The following ARHGEF17 variants were observed in gnomAD, a reference collection of about 807,000 sequenced individuals.
ARHGEF17 encodes the protein Rho guanine nucleotide exchange factor 17.
ARHGEF17 carries 80 observed loss-of-function variants against 174.0 expected under a neutral mutation model. That is an observed-to-expected ratio of 0.46 (90% CI 0.38 to 0.55). The LOEUF is 0.55. Ranked by LOEUF, ARHGEF17 falls within the 20% of genes least tolerant of loss-of-function variation. The pLI is 0.00. For missense variants in ARHGEF17, 2,886 were observed against 2,839.7 expected, an observed-to-expected ratio of 1.02 and a Z score of -0.37; for synonymous variants, 1,311 against 1,189.1, an observed-to-expected ratio of 1.10 and a Z score of -2.11.
chr11:73,330,650 A>C (rs1865190034), intron 1 of ARHGEF17, among the ~76,000 whole-genome samples: 1 of 152,200 alleles, frequency 6.6e-6, no homozygotes, highest in Admixed American at 6.5e-5. Context: ...GGAAGGTGGC[A>C]TAACATTCCC....
intron 1 of ARHGEF17, among the ~76,000 whole-genome samples, chr11:73,342,109 A>G (rs546846983): frequency 7.2e-4 from 108 of 150,544 alleles, no homozygotes; most frequent in Non-Finnish European, 1.3e-3. Context: ...ACGGGAGCAC[A>G]GTCTAGGGGT....
At chr11:73,324,326 C>T (rs1436796196) in intron 1 of ARHGEF17, among the ~76,000 whole-genome samples, 2 of 152,166 alleles carry the variant, frequency 1.3e-5, no homozygotes, top group Non-Finnish European at 2.9e-5. Flanking sequence ...GAGGTGGAGC[C>T]TGGGTACACG....
intron 1 of ARHGEF17, among the ~76,000 whole-genome samples, chr11:73,340,367 G>T (rs1289668229): frequency 6.6e-6 from 1 of 152,164 alleles, no homozygotes; most frequent in Non-Finnish European, 1.5e-5. Flanking sequence ...GCACCCATAT[G>T]CCTGTGGATC....
At chr11:73,366,090 C>A in intron 20 of ARHGEF17, 143 bp downstream of exon 20, 2 of 1,111,666 alleles carry the variant, frequency 1.8e-6, no homozygotes, top group Non-Finnish European at 2.5e-6. Flanking sequence ...AAATACACCA[C>A]GGAAGTGTCC....
At chr11:73,330,114 T>C (rs934655573) in intron 1 of ARHGEF17, among the ~76,000 whole-genome samples, 2 of 152,256 alleles carry the variant, frequency 1.3e-5, no homozygotes, top group South Asian at 2.1e-4. Flanking sequence ...TGTTGGGTTG[T>C]TGGCCTTTTG....
At chr11:73,332,600 C>T (rs150667323) in intron 1 of ARHGEF17, among the ~76,000 whole-genome samples, 3 of 152,182 alleles carry the variant, frequency 2.0e-5, no homozygotes, top group African/African-American at 4.8e-5. Flanking sequence ...GGCGAGTGGG[C>T]GTCCTCATGC....
chr11:73,324,656 G>A (rs1396578382), intron 1 of ARHGEF17, among the ~76,000 whole-genome samples: 7 of 152,262 alleles, frequency 4.6e-5, no homozygotes, highest in Non-Finnish European at 1.0e-4. Flanking sequence ...TTCAGACCCA[G>A]ATGGTCTGGC....
intron 1 of ARHGEF17, among the ~76,000 whole-genome samples, chr11:73,315,792 T>C (rs1331161876): frequency 1.3e-5 from 2 of 151,916 alleles, no homozygotes; most frequent in African/African-American, 4.8e-5. Context: ...CGAGGAAGGG[T>C]TGGGGGATGG....
intron 2 of ARHGEF17, 129 bp from the exon 3 acceptor site, chr11:73,352,701 A>G: frequency 5.4e-6 from 5 of 919,498 alleles, no homozygotes; most frequent in Non-Finnish European, 8.3e-6. Flanking sequence ...CTCATGAGGG[A>G]GATGTGGAAG....
In ARHGEF17 at chr11:73,311,818, C is replaced by G. The variant is rs751962934; in HGVS notation, c.3180C>G (p.Ser1060Arg). 1.6e-5 allele frequency: 26 copies of G among 1,603,270 alleles called. No individual in the cohort carries two copies. In the South Asian group the frequency reaches 2.9e-4, roughly 18 times the overall value. Residue 1060 changes from serine to arginine, a missense_variant, in exon 1 of 21, where the codon AGC becomes AGG. Transcript: ENST00000263674. ...DEPTPASKCC[S>R]KPQVDMRKHV... Reference sequence around the variant, plus strand: ...CTACCCCTGCCAGCAAGTGCTGCAGCAAGCCACAGGTGGTGAGTCCTTTGT... The same window carrying G: ...CTACCCCTGCCAGCAAGTGCTGCAGGAAGCCACAGGTGGTGAGTCCTTTGT...
chr11:73,364,622 G>A (rs1315576650), intron 18 of ARHGEF17, 22 bp downstream of exon 18: 62 of 1,597,136 alleles, frequency 3.9e-5, no homozygotes, highest in Non-Finnish European at 5.2e-5. Context: ...TGGGGGAATG[G>A]AATTGGTGCC....
rs901291120 is a variant in ARHGEF17, at chr11:73,311,159, G to A, written c.2521G>A (p.Gly841Arg). 6.3e-7 allele frequency: 1 copy of A among 1,596,358 alleles called. No individual in the cohort carries two copies. Among genetic ancestry groups the A allele is most frequent in the African/African-American group, 1.3e-5 (1 of 74,506 alleles). ...PSRRGELAGP[G>R]FEGPGGEPIR... ...CCGCCGTGGGGAGCTGGCTGGGCCT[G>A]GATTCGAGGGCCCTGGAGGGGAGCC... is the stretch of plus-strand genomic sequence containing the variant. Residue 841 changes from glycine (G) to arginine (R), a missense_variant, in exon 1 of 21, where the codon GGA (glycine) becomes AGA (arginine). This residue lies in a region of ARHGEF17 where 1,728 missense variants were observed against 1,461.2 expected (regional missense o/e 1.18). Transcript: ENST00000263674.
At chr11:73,362,827 C>T in intron 14 of ARHGEF17, 93 bp downstream of exon 14, 1 of 1,448,406 alleles carries the variant, frequency 6.9e-7, no homozygotes, top group Non-Finnish European at 9.3e-7. Context: ...AGGGCAAAGG[C>T]ATGGCGTCAG....
chr11:73,308,597 C>T lies in ARHGEF17; in HGVS notation c.-42C>T. 1 of 1,390,598 alleles carries T rather than the reference C, an allele frequency of 7.2e-7. No individual in the cohort carries two copies. Among genetic ancestry groups the T allele is most frequent in the Non-Finnish European group, 9.3e-7 (1 of 1,076,062 alleles). The allele number at this position is 1,390,598 out of a possible 1,614,324, so 86.1% of individuals were successfully genotyped here. ...GTGGGGGCGCAGGGGGGGTTGGCCG[C>T]GGCTGCCCGAGGCCAGCCCCCCCGG... is the stretch of plus-strand genomic sequence containing the variant. On this transcript the variant is annotated 5_prime_UTR_variant, in exon 1 of 21. Transcript: ENST00000263674.
chr11:73,357,441 G>A, intron 9 of ARHGEF17, 114 bp downstream of exon 9: 2 of 986,770 alleles, frequency 2.0e-6, no homozygotes, highest in Non-Finnish European at 3.0e-6. Flanking sequence ...CCACTTTTGG[G>A]CCTCGCTCTC....
intron 16 of ARHGEF17, 38 bp from the exon 17 acceptor site, chr11:73,364,134 C>T (rs1190492371): frequency 6.2e-7 from 1 of 1,610,286 alleles, no homozygotes; most frequent in African/African-American, 1.3e-5. Context: ...ACTTTGGCTG[C>T]CTGAACTCCC....
At chr11:73,314,842 G>T (rs374134341) in intron 1 of ARHGEF17, among the ~76,000 whole-genome samples, 6 of 152,058 alleles carry the variant, frequency 3.9e-5, no homozygotes, top group African/African-American at 1.2e-4. Context: ...CAGCCTCAAA[G>T]TGCAGAGTCT....
At chr11:73,346,788 G>T in intron 1 of ARHGEF17, 95 bp from the exon 2 acceptor site, 2 of 977,864 alleles carry the variant, frequency 2.0e-6, no homozygotes, top group East Asian at 6.3e-5. Context: ...GGCAGGGAGA[G>T]GGTGTGGGCG....
intron 20 of ARHGEF17, among the ~76,000 whole-genome samples, chr11:73,366,611 T>G (rs1865843388): frequency 6.6e-6 from 1 of 152,020 alleles, no homozygotes; most frequent in African/African-American, 2.4e-5. Context: ...ACACCTGTGG[T>G]TCCAGCTGCT....
Sources: allele counts gnomAD v4.1 joint callset (sites outside exome capture counted in the v4.1 genomes callset), GRCh38; gene constraint gnomAD v4.1.1; regional missense constraint gnomAD v4.1.1; transcripts MANE v1.5; gene names NCBI Gene and HGNC (gene_info 2026-07-23, HGNC 2026-07-21).